The following CHRM5 variants were observed in gnomAD, a reference collection of about 807,000 sequenced individuals.
CHRM5 encodes the protein cholinergic receptor muscarinic 5, also known as muscarinic acetylcholine receptor M5.
Under a neutral mutation model 39.0 loss-of-function variants are expected in CHRM5, and 18 were observed. The ratio of observed to expected loss-of-function variants is 0.46; its 90% CI spans 0.32 to 0.68. The LOEUF (loss-of-function observed/expected upper bound fraction) is 0.68, where lower values mean the gene tolerates loss of function less well. CHRM5 is among the 30% of genes least tolerant of loss of function. The pLI is 0.04. For missense variants in CHRM5, 515 were observed against 651.1 expected (o/e 0.79, Z 2.28); for synonymous variants, 241 against 246.3 (o/e 0.98, Z 0.20).
chr15:34,039,055 C>T, intron 1 of CHRM5: 1 of 1,101,334 alleles, frequency 9.1e-7, no homozygotes. Context: ...ATCTGGCCGC[C>T]GCTGGCGGTG....
At chr15:33,992,938 T>A (rs1023449374) in intron 1 of CHRM5, among the ~76,000 whole-genome samples, 1 of 152,254 alleles carries the variant, frequency 6.6e-6, no homozygotes, top group South Asian at 2.1e-4. Flanking sequence ...ACAACAACTA[T>A]ACTGACCAAA....
At chr15:34,061,620 T>C (rs1290607756) in intron 2 of CHRM5, among the ~76,000 whole-genome samples, 1 of 152,226 alleles carries the variant, frequency 6.6e-6, no homozygotes, top group Non-Finnish European at 1.5e-5. Context: ...AGACTTTTGC[T>C]TTCTAAGATT....
chr15:33,989,872 T>C (rs1158943371), intron 1 of CHRM5, among the ~76,000 whole-genome samples: 1 of 150,062 alleles, frequency 6.7e-6, no homozygotes, highest in African/African-American at 2.5e-5. Flanking sequence ...GAAGAGACAA[T>C]AGCAATTGAG....
In CHRM5 at chr15:34,063,717, G is replaced by A; in HGVS notation, c.1000G>A (p.Gly334Arg). The A allele has an allele frequency of 2.5e-6, 4 of 1,614,226 alleles. No homozygotes were observed. Among genetic ancestry groups the A allele is most frequent in the South Asian group, 1.1e-5 (1 of 91,082 alleles). ...VYKSQGKESPGEEFSAEETEE... is the reference protein window; with the variant it reads ...VYKSQGKESPREEFSAEETEE... ...CAAGAGTCAGGGTAAGGAAAGCCCA[G>A]GGGAAGAATTCAGTGCTGAAGAGAC... Residue 334 changes from glycine to arginine, a missense_variant, in exon 3 of 3, where the codon GGG becomes AGG. By Grantham distance (125) the Gly-to-Arg change is moderately radical (BLOSUM62 -2). Coordinates refer to ENST00000383263, the MANE Select transcript of CHRM5 (RefSeq NM_012125.4). The surrounding 1 kb of genome is among the most constrained non-coding windows in gnomAD (Gnocchi z 4.1).
At chr15:34,006,815 G>A (rs1425656919) in intron 1 of CHRM5, among the ~76,000 whole-genome samples, 1 of 152,148 alleles carries the variant, frequency 6.6e-6, no homozygotes, top group Non-Finnish European at 1.5e-5. Flanking sequence ...AAGTTTAGAA[G>A]ACATTTGATG....
chr15:33,987,690 CTCTT>C (rs1438760760), intron 1 of CHRM5, among the ~76,000 whole-genome samples: 2 of 152,226 alleles, frequency 1.3e-5, no homozygotes, highest in East Asian at 1.9e-4. Context: ...ATTTATCTCT[CTCTT>C]TCTCTCTTTG....
chr15:34,009,798 G>C (rs1897559499), intron 1 of CHRM5, among the ~76,000 whole-genome samples: 1 of 152,086 alleles, frequency 6.6e-6, no homozygotes, highest in Non-Finnish European at 1.5e-5. Context: ...AGATCAGCCT[G>C]AGCAACATAG....
intron 2 of CHRM5, among the ~76,000 whole-genome samples, chr15:34,053,319 A>AAAAAAAAAT (rs775436850): frequency 7.1e-5 from 3 of 42,068 alleles, no homozygotes; most frequent in Non-Finnish European, 9.4e-5. Flanking sequence ...AAAAAAAAAA[A>AAAAAAAAAT]ATATATATAT....
At chr15:34,046,356 A>AC (rs1483284235) in intron 1 of CHRM5, among the ~76,000 whole-genome samples, 184 bp from the exon 2 acceptor site, 2 of 151,464 alleles carry the variant, frequency 1.3e-5, no homozygotes, top group African/African-American at 2.4e-5. Context: ...AAAAAAAAAA[A>AC]ACGGGAAAAA....
intron 2 of CHRM5, among the ~76,000 whole-genome samples, chr15:34,059,731 T>C (rs1444578805): frequency 6.6e-6 from 1 of 152,120 alleles, no homozygotes; most frequent in Non-Finnish European, 1.5e-5. Context: ...TGCCTAGCTA[T>C]TGGTGACTTC....
At chr15:34,034,445 T>A (rs867128036) in intron 1 of CHRM5, among the ~76,000 whole-genome samples, 164 of 86,156 alleles carry the variant, frequency 1.9e-3, no homozygotes, top group Non-Finnish European at 3.7e-3. Flanking sequence ...AGTTTCTTTT[T>A]TAAAAAAAAA....
At chr15:34,047,317 T>C (rs955657352) in intron 2 of CHRM5, among the ~76,000 whole-genome samples, 1 of 152,138 alleles carries the variant, frequency 6.6e-6, no homozygotes, top group South Asian at 2.1e-4. Context: ...GACCTGATGA[T>C]CCGCCCGTGT....
rs757699909 is a variant in CHRM5 at position 34,064,175 on chromosome 15, C to G, written c.1458C>G (p.Val486=). The G allele has an allele frequency of 5.0e-6, 8 of 1,614,146 alleles. No homozygotes were observed. The highest frequency in any genetic ancestry group is 6.8e-6 in the Non-Finnish European group (8 of 1,180,022). ...ACTTGGGCTATTGGTTGTGCTATGT[C>G]AATAGCACTGTCAACCCCATCTGCT... ...LWHLGYWLCY[V]NSTVNPICYA... Residue 486 remains valine, a synonymous_variant, in exon 3 of 3, where the codon GTC becomes GTG. Coordinates refer to ENST00000383263, the MANE Select transcript of CHRM5 (RefSeq NM_012125.4).
At chr15:34,043,062 A>C (rs564485437) in intron 1 of CHRM5, among the ~76,000 whole-genome samples, 1 of 152,016 alleles carries the variant, frequency 6.6e-6, no homozygotes. Flanking sequence ...CCTGGCTAAC[A>C]CAGTGAAACC....
intron 1 of CHRM5, among the ~76,000 whole-genome samples, chr15:34,008,135 G>A (rs1270923334): frequency 2.6e-5 from 4 of 152,046 alleles, no homozygotes; most frequent in Admixed American, 2.0e-4. Flanking sequence ...GAAAATAATG[G>A]GTGGGCCTGG....
chr15:34,025,219 T>G (rs1898402792), intron 1 of CHRM5, among the ~76,000 whole-genome samples: 1 of 152,216 alleles, frequency 6.6e-6, no homozygotes, highest in Non-Finnish European at 1.5e-5. Context: ...AATAAGATTC[T>G]GAAATATGAA....
chr15:34,063,389 C>A lies in CHRM5; in HGVS notation c.672C>A (p.Thr224=). The A allele has an allele frequency of 6.2e-7, 1 of 1,614,050 alleles. No homozygotes were observed. Residue 224 remains threonine (T), a synonymous_variant, in exon 3 of 3, where the codon ACC becomes ACA. Coordinates refer to ENST00000383263, the MANE Select transcript of CHRM5 (RefSeq NM_012125.4). This position sits in a 1 kb window ranked among gnomAD's most constrained non-coding sequence, Gnocchi z 4.1. ...TCTACCGGGAAACAGAGAAGCGAAC[C>A]AAGGACCTGGCTGACCTCCAGGGTT... ...CRIYRETEKR[T]KDLADLQGSD...
At chr15:33,992,356 C>A (rs923809223) in intron 1 of CHRM5, among the ~76,000 whole-genome samples, 2 of 152,082 alleles carry the variant, frequency 1.3e-5, no homozygotes, top group Non-Finnish European at 2.9e-5. Context: ...CGCCACTGCA[C>A]TCCAGCCTGC....
At chr15:34,006,899 T>C (rs1311955599) in intron 1 of CHRM5, 1 of 229,356 alleles carries the variant, frequency 4.4e-6, no homozygotes, top group Non-Finnish European at 7.2e-6. Context: ...AAAATAAAAA[T>C]ATGCAAAGCC....
Sources: gnomAD v4.1 joint callset for allele counts (sites outside exome capture counted in the v4.1 genomes callset) on GRCh38, gnomAD v4.1.1 for gene constraint, Gnocchi (gnomAD v3.1) non-coding constraint, MANE v1.5 for transcripts, NCBI Gene and HGNC (gene_info 2026-07-23, HGNC 2026-07-21) for gene names.